FXYD4: variants seen among roughly 807,000 people sequenced by gnomAD.
FXYD4 encodes FXYD domain-containing ion transport regulator 4.
A neutral mutation model predicts 18.3 loss-of-function variants in FXYD4; 14 were observed. That is an observed-to-expected ratio of 0.77 (90% confidence interval 0.51 to 1.20). The LOEUF is 1.20. Among genes scored for constraint, FXYD4 ranks in the 50% most tolerant of loss-of-function variants. The probability of loss-of-function intolerance (pLI) is 0.00; values close to 1 mark genes in which losing one functional copy is unlikely to be tolerated. For missense variants in FXYD4, 99 were observed against 106.1 expected, an observed-to-expected ratio of 0.93 and a Z score of 0.29; for synonymous variants, 40 against 40.5, an observed-to-expected ratio of 0.99 and a Z score of 0.04.
At chr10:43,376,008 A>G in intron 7 of FXYD4, 24 bp from the exon 8 acceptor site, 1 of 1,613,182 alleles carries the variant, frequency 6.2e-7, no homozygotes, top group Non-Finnish European at 8.5e-7. Context: ...ACCTGATACT[A>G]CTCTGATGTG....
Position 43,374,645 on chromosome 10 carries a change from A to G in FXYD4, c.97+6A>G. On this transcript the variant is annotated splice_donor_region_variant and intron_variant, in intron 5 of 8. Coordinates refer to ENST00000476166, the MANE Select transcript of FXYD4 (RefSeq NM_173160.3). The stretch of plus-strand genomic sequence containing the variant: ...AGACGATCCCTTCTACTATGGTAAG[A>G]GCTGATATTCCCACCCCCACCCTAC... The G allele has an allele frequency of 6.2e-7, 1 of 1,611,294 alleles. No individual in the cohort carries two copies. Among genetic ancestry groups the G allele is most frequent in the Non-Finnish European group, 8.5e-7 (1 of 1,177,524 alleles).
At chr10:43,373,901 T>C in intron 3 of FXYD4, 118 bp downstream of exon 3, 1 of 782,552 alleles carries the variant, frequency 1.3e-6, no homozygotes, top group South Asian at 1.3e-5. Flanking sequence ...TTATTTAAAC[T>C]GCCAATTTAG....
At chr10:43,374,207 A>T (rs1218271474) in intron 3 of FXYD4, among the ~76,000 whole-genome samples, 2 of 152,194 alleles carry the variant, frequency 1.3e-5, no homozygotes, top group Non-Finnish European at 2.9e-5. Context: ...CATAAAAAAG[A>T]CAAGCATTCC....
chr10:43,374,395 G>T (rs756697538), intron 3 of FXYD4, 75 bp from the exon 4 acceptor site: 1 of 1,435,684 alleles, frequency 7.0e-7, no homozygotes, highest in Non-Finnish European at 9.8e-7. Flanking sequence ...CCTCCGGGCT[G>T]GGGTCCTGCT....
rs757129574 is a variant in FXYD4, at chr10:43,374,425, C to G, written c.38-45C>G. The G allele has an allele frequency of 3.1e-6, 5 of 1,599,182 alleles. No homozygotes were observed. In the South Asian group the frequency reaches 5.5e-5, roughly 18 times the overall value. On this transcript the variant is annotated intron_variant, in intron 3 of 8. Coordinates refer to ENST00000476166, the MANE Select transcript of FXYD4 (RefSeq NM_173160.3). Reference sequence around the variant, plus strand: ...CCTGCTGTCTGGCTTACTTGGACACCAGTGTCATGAATTCCCACACATTTT... The same window carrying G: ...CCTGCTGTCTGGCTTACTTGGACACGAGTGTCATGAATTCCCACACATTTT...
chr10:43,375,434 G>C (rs1468530862), intron 5 of FXYD4, 65 bp from the exon 6 acceptor site: 7 of 1,236,270 alleles, frequency 5.7e-6, no homozygotes, highest in Non-Finnish European at 8.4e-6. Flanking sequence ...GGGCTCAGGA[G>C]TGTCTTTTGA....
chr10:43,375,111 C>G (rs1351312603), intron 5 of FXYD4, among the ~76,000 whole-genome samples: 1 of 149,958 alleles, frequency 6.7e-6, no homozygotes, highest in East Asian at 2.0e-4. Flanking sequence ...ACTGCAACCT[C>G]CATCTCCCGG....
At chr10:43,374,697 A>G in intron 5 of FXYD4, 58 bp downstream of exon 5, 4 of 1,414,552 alleles carry the variant, frequency 2.8e-6, no homozygotes, top group Non-Finnish European at 4.0e-6. Context: ...CCTCTTTGCT[A>G]GACAAGTTGG....
At chr10:43,373,203 A>T (rs1236547387) in intron 2 of FXYD4, among the ~76,000 whole-genome samples, 1 of 152,068 alleles carries the variant, frequency 6.6e-6, no homozygotes, top group African/African-American at 2.4e-5. Flanking sequence ...TGGCCACCCC[A>T]GGCCCAGACC....
At chr10:43,375,119 C>T (rs138933418) in intron 5 of FXYD4, among the ~76,000 whole-genome samples, 13 of 150,828 alleles carry the variant, frequency 8.6e-5, no homozygotes, top group Non-Finnish European at 1.8e-4. Flanking sequence ...CTCCATCTCC[C>T]GGGTTCAAGC....
rs865971684 is a variant in FXYD4, at chr10:43,376,225, C to A, written c.*59C>A. 2 of 1,586,462 alleles carry A rather than the reference C, an allele frequency of 1.3e-6. No individual in the cohort carries two copies. Among genetic ancestry groups the A allele is most frequent in the Non-Finnish European group, 1.7e-6 (2 of 1,156,938 alleles). ...CTAACACTGGCCCCCAGCACCTCCT[C>A]CCCTGGGAGGCCTTATCCTCAAGGA... On this transcript the variant is annotated 3_prime_UTR_variant, in exon 9 of 9. Coordinates refer to ENST00000476166, the MANE Select transcript of FXYD4 (RefSeq NM_173160.3).
Position 43,376,235 on chromosome 10 carries a change from G to GC in FXYD4, c.*71dup. Reference sequence around the variant, plus strand: ...CCCCCAGCACCTCCTCCCCTGGGAGGCCTTATCCTCAAGGAAGGACTTCTC... The same window carrying GC: ...CCCCCAGCACCTCCTCCCCTGGGAGGCCCTTATCCTCAAGGAAGGACTTCTC... On this transcript the variant is annotated 3_prime_UTR_variant, in exon 9 of 9. Coordinates refer to ENST00000476166, the MANE Select transcript of FXYD4 (RefSeq NM_173160.3). 1 of 1,558,524 alleles carries GC rather than the reference G, an allele frequency of 6.4e-7. No individual in the cohort carries two copies. Among genetic ancestry groups the GC allele is most frequent in the South Asian group, 1.1e-5 (1 of 89,842 alleles).
intron 5 of FXYD4, among the ~76,000 whole-genome samples, chr10:43,374,847 G>T (rs1158324967): frequency 6.6e-6 from 1 of 151,630 alleles, no homozygotes; most frequent in East Asian, 1.9e-4. Context: ...TGCCTGGGTG[G>T]TTAGGCACCC....
At chr10:43,375,936 C>G (rs2131949218) in intron 7 of FXYD4, 96 bp from the exon 8 acceptor site, 1 of 1,377,926 alleles carries the variant, frequency 7.3e-7, no homozygotes, top group South Asian at 1.2e-5. Flanking sequence ...AGAGCAAGGA[C>G]TTGCACTCCT....
Position 43,373,644 on chromosome 10 carries a change from C to T in FXYD4, c.-103C>T. 1.3e-6 allele frequency: 1 copy of T among 775,878 alleles called. No individual in the cohort carries two copies. Among genetic ancestry groups the T allele is most frequent in the South Asian group, 1.3e-5 (1 of 74,414 alleles). The allele number at this position is 775,878 out of a possible 1,614,324, so 48.1% of individuals were successfully genotyped here. ...GCTCTGCCTGCCCCCGCCCCTGCCT[C>T]CTCTCGCTGACCAATTGAGCTGTGA... On this transcript the variant is annotated 5_prime_UTR_variant, in exon 3 of 9. Transcript: ENST00000476166.
intron 7 of FXYD4, 51 bp downstream of exon 7, chr10:43,375,785 GA>G (rs1588981747): frequency 1.9e-6 from 3 of 1,573,008 alleles, no homozygotes; most frequent in East Asian, 4.5e-5. Context: ...ACTACGGGGG[GA>G]CAGTCCTGAC....
At chr10:43,376,095 G>A (rs1837867890) in intron 8 of FXYD4, 26 bp downstream of exon 8, 1 of 1,614,032 alleles carries the variant, frequency 6.2e-7, no homozygotes, top group East Asian at 2.2e-5. Flanking sequence ...GTGGGCTGAG[G>A]GGGTGTCTGT....
In FXYD4 at chr10:43,376,225, C is replaced by G; in HGVS notation, c.*59C>G. 2 of 1,586,462 alleles carry G rather than the reference C, an allele frequency of 1.3e-6. No homozygotes were observed. Among genetic ancestry groups the G allele is most frequent in the Non-Finnish European group, 1.7e-6 (2 of 1,156,938 alleles). On this transcript the variant is annotated 3_prime_UTR_variant, in exon 9 of 9. Coordinates refer to ENST00000476166, the MANE Select transcript of FXYD4 (RefSeq NM_173160.3). ...CTAACACTGGCCCCCAGCACCTCCT[C>G]CCCTGGGAGGCCTTATCCTCAAGGA...
Position 43,374,504 on chromosome 10 carries a change from T to A in FXYD4, c.70+2T>A. ...CCTTGGAAGCCAATGACCCATTTGG[T>A]GAGTGAGGCCCCCAAACAGCCTGCC... On this transcript the variant is annotated splice_donor_variant, in intron 4 of 8. Coordinates refer to ENST00000476166, the MANE Select transcript of FXYD4 (RefSeq NM_173160.3). LOFTEE classifies it high-confidence loss of function. 1 of 1,614,092 alleles carries A rather than the reference T, an allele frequency of 6.2e-7. No homozygotes were observed. Among genetic ancestry groups the A allele is most frequent in the Non-Finnish European group, 8.5e-7 (1 of 1,179,948 alleles).
Sources: allele counts gnomAD v4.1 joint callset (sites outside exome capture counted in the v4.1 genomes callset), GRCh38; gene constraint gnomAD v4.1.1; transcripts MANE v1.5; gene names NCBI Gene and HGNC (gene_info 2026-07-23, HGNC 2026-07-21).